CDK17: variants seen among roughly 807,000 people sequenced by gnomAD.
The protein encoded by CDK17 is cyclin dependent kinase 17, also known as cyclin-dependent kinase 17.
Under a neutral mutation model 77.6 loss-of-function variants are expected in CDK17, and 24 were observed. That is an observed-to-expected ratio of 0.31 (90% CI 0.22 to 0.44). The LOEUF (loss-of-function observed/expected upper bound fraction) is 0.44. CDK17 is among the 20% of genes least tolerant of loss of function. The probability of loss-of-function intolerance (pLI) is 1.00; values close to 1 mark genes in which losing one functional copy is unlikely to be tolerated. For missense variants in CDK17, 429 were observed against 622.5 expected (o/e 0.69, Z 3.31); for synonymous variants, 203 against 210.4 (o/e 0.96, Z 0.30).
At chr12:96,289,646 A>G (rs1038923081) in intron 10 of CDK17, among the ~76,000 whole-genome samples, 5 of 152,240 alleles carry the variant, frequency 3.3e-5, no homozygotes, top group African/African-American at 1.2e-4. Flanking sequence ...TAATAGGCCA[A>G]TGACATTGAG....
intron 1 of CDK17, among the ~76,000 whole-genome samples, chr12:96,354,795 G>C (rs893844058): frequency 6.6e-6 from 1 of 151,994 alleles, no homozygotes; most frequent in Admixed American, 6.6e-5. Context: ...GAGACAGGAG[G>C]ATTACTTGAG....
At chr12:96,378,882 GA>G (rs1565843198) in intron 1 of CDK17, among the ~76,000 whole-genome samples, 2 of 152,104 alleles carry the variant, frequency 1.3e-5, no homozygotes, top group Non-Finnish European at 2.9e-5. Context: ...GGATAAACAG[GA>G]TACCAAAAAG....
At chr12:96,388,556 C>A (rs1274754038) in intron 1 of CDK17, among the ~76,000 whole-genome samples, 1 of 152,128 alleles carries the variant, frequency 6.6e-6, no homozygotes, top group East Asian at 1.9e-4. Flanking sequence ...TTCAATTGTC[C>A]TTGTGAATCA....
intron 5 of CDK17, among the ~76,000 whole-genome samples, chr12:96,302,138 G>A (rs946756514): frequency 2.0e-5 from 3 of 152,032 alleles, no homozygotes; most frequent in Non-Finnish European, 2.9e-5. Flanking sequence ...TCTTGAACAT[G>A]ACTCAGTATT....
intron 1 of CDK17, among the ~76,000 whole-genome samples, chr12:96,335,509 T>C (rs760559575): frequency 5.9e-5 from 9 of 152,228 alleles, no homozygotes; most frequent in Admixed American, 1.3e-4. Context: ...ATATCTCTAA[T>C]TGTGTCTTCC....
At chr12:96,368,464 C>G (rs1405099142) in intron 1 of CDK17, among the ~76,000 whole-genome samples, 50 of 152,134 alleles carry the variant, frequency 3.3e-4, no homozygotes, top group Non-Finnish European at 4.4e-5. Context: ...ATGTGCTCTG[C>G]AGCTGGCCAG....
chr12:96,357,059 A>G (rs1953404859), intron 1 of CDK17, among the ~76,000 whole-genome samples: 1 of 152,220 alleles, frequency 6.6e-6, no homozygotes, highest in Non-Finnish European at 1.5e-5. Context: ...TGCTTTTGAT[A>G]ATAATGGTCT....
intron 1 of CDK17, among the ~76,000 whole-genome samples, chr12:96,346,362 G>A (rs1953211070): frequency 6.6e-6 from 1 of 151,976 alleles, no homozygotes; most frequent in Admixed American, 6.6e-5. Flanking sequence ...CGAGGCAGGA[G>A]AATCACTTGA....
At chr12:96,335,962 A>G (rs1402029134) in intron 1 of CDK17, among the ~76,000 whole-genome samples, 1 of 152,202 alleles carries the variant, frequency 6.6e-6, no homozygotes, top group African/African-American at 2.4e-5. Context: ...TTTACCATCC[A>G]GCTCCAGATA....
chr12:96,289,320 A>G (rs759225376), intron 10 of CDK17, 33 bp from the exon 11 acceptor site: 18 of 1,612,678 alleles, frequency 1.1e-5, no homozygotes, highest in Middle Eastern at 3.3e-4. Flanking sequence ...AGGGTTAAGA[A>G]AAAGCTTTAA....
intron 5 of CDK17, among the ~76,000 whole-genome samples, chr12:96,308,791 G>A (rs1229250389): frequency 6.9e-6 from 1 of 145,168 alleles, no homozygotes; most frequent in Non-Finnish European, 1.5e-5. Context: ...TACAACAACT[G>A]CTAGCAATCC....
intron 3 of CDK17, among the ~76,000 whole-genome samples, chr12:96,316,306 C>T (rs1359334582): frequency 6.6e-6 from 1 of 152,016 alleles, no homozygotes; most frequent in Non-Finnish European, 1.5e-5. Flanking sequence ...GAGGGTCCTA[C>T]GCCCACGGAG....
chr12:96,351,127 T>A (rs186193775), intron 1 of CDK17, among the ~76,000 whole-genome samples: 18 of 152,220 alleles, frequency 1.2e-4, no homozygotes, highest in Admixed American at 1.1e-3. Flanking sequence ...CCAAAACCAC[T>A]ATGAGATACC....
chr12:96,283,921 C>T (rs1477819936), intron 13 of CDK17, among the ~76,000 whole-genome samples: 2 of 152,124 alleles, frequency 1.3e-5, no homozygotes, highest in African/African-American at 4.8e-5. Context: ...TGTCTCAAAA[C>T]AAAGAAACTT....
intron 1 of CDK17, among the ~76,000 whole-genome samples, chr12:96,370,292 T>A (rs959053562): frequency 2.6e-5 from 4 of 152,216 alleles, no homozygotes; most frequent in African/African-American, 9.6e-5. Flanking sequence ...ACTCTACCCA[T>A]TTTACAAAAG....
At position 96,311,036 on chromosome 12, in the gene CDK17, GA is replaced by G; in HGVS notation, c.543+15del. 1.3e-6 allele frequency: 2 copies of G among 1,594,032 alleles called. No homozygotes were observed. The highest frequency in any genetic ancestry group is 1.7e-6 in the Non-Finnish European group (2 of 1,174,188). On this transcript the variant is annotated intron_variant, in intron 5 of 16. Coordinates refer to ENST00000261211, the MANE Select transcript of CDK17 (RefSeq NM_002595.5). Reference sequence around the variant, plus strand: ...GATCTGATTGATGGTGGAGGTATAGGAGACCAAAAACTTACTAAGGAAGCTC... The same window carrying G: ...GATCTGATTGATGGTGGAGGTATAGGGACCAAAAACTTACTAAGGAAGCTC...
At chr12:96,337,310 C>T (rs1235548508) in intron 1 of CDK17, among the ~76,000 whole-genome samples, 1 of 151,948 alleles carries the variant, frequency 6.6e-6, no homozygotes, top group Non-Finnish European at 1.5e-5. Flanking sequence ...CTTTTATCTT[C>T]TTACCCCCAA....
chr12:96,315,430 T>C (rs932316789), intron 3 of CDK17, among the ~76,000 whole-genome samples: 1 of 152,198 alleles, frequency 6.6e-6, no homozygotes, highest in African/African-American at 2.4e-5. Flanking sequence ...GAGATTTCCA[T>C]AGAAATTTTA....
intron 1 of CDK17, among the ~76,000 whole-genome samples, chr12:96,396,257 T>G (rs1954167010): frequency 6.6e-6 from 1 of 152,234 alleles, no homozygotes; most frequent in African/African-American, 2.4e-5. Flanking sequence ...CCCTTGGCAA[T>G]TCCTCTTGCC....
Sources: allele counts gnomAD v4.1 joint callset (sites outside exome capture counted in the v4.1 genomes callset), GRCh38; gene constraint gnomAD v4.1.1; transcripts MANE v1.5; gene names NCBI Gene and HGNC (gene_info 2026-07-23, HGNC 2026-07-21).